The following PIP4K2A variants were observed in gnomAD, a reference collection of about 807,000 sequenced individuals.
PIP4K2A encodes phosphatidylinositol 5-phosphate 4-kinase type-2 alpha.
Under a neutral mutation model 42.9 loss-of-function variants are expected in PIP4K2A, and 14 were observed. The observed-to-expected ratio is 0.33, with a 90% CI of 0.22 to 0.51. The LOEUF (loss-of-function observed/expected upper bound fraction) is 0.51. PIP4K2A is among the 20% of genes least tolerant of loss of function. The pLI is 0.97. For missense variants in PIP4K2A, 434 were observed against 519.8 expected (o/e 0.83, Z 1.61); for synonymous variants, 192 against 192.2 (o/e 1.00, Z 0.01).
chr10:22,702,794 G>A (rs1367304767), intron 1 of PIP4K2A, among the ~76,000 whole-genome samples: 1 of 152,078 alleles, frequency 6.6e-6, no homozygotes, highest in African/African-American at 2.4e-5. Flanking sequence ...AATGGCCTAC[G>A]GTTTAGAATC....
At position 22,590,161 on chromosome 10, in the gene PIP4K2A, C is replaced by A. The variant is rs139211150; in HGVS notation, c.492+1468G>T. On this transcript the variant is annotated intron_variant, in intron 4 of 9. Coordinates refer to ENST00000376573, the MANE Select transcript of PIP4K2A (RefSeq NM_005028.5). Reference sequence around the variant, plus strand: ...ACCAGGAAGAACCTGACCATACTGGCACCTTGATCTCAGACTTCAACCTCT... The same window carrying A: ...ACCAGGAAGAACCTGACCATACTGGAACCTTGATCTCAGACTTCAACCTCT... 7.2e-5 allele frequency among the ~76,000 whole-genome samples: 11 copies of A among 152,312 alleles called. No homozygotes were observed. In the East Asian group the frequency reaches 1.9e-3, roughly 27 times the overall value.
At chr10:22,543,906 A>C (rs1836192325) in intron 7 of PIP4K2A, among the ~76,000 whole-genome samples, 1 of 152,134 alleles carries the variant, frequency 6.6e-6, no homozygotes, top group Non-Finnish European at 1.5e-5. Flanking sequence ...GATCCAAGGC[A>C]GGGGGCAGGC....
intron 1 of PIP4K2A, among the ~76,000 whole-genome samples, chr10:22,633,009 T>C (rs1346149374): frequency 6.6e-6 from 1 of 152,232 alleles, no homozygotes; most frequent in African/African-American, 2.4e-5. Flanking sequence ...AGGCTTAGTA[T>C]ACATCGGGTA....
At chr10:22,648,276 CAA>C (rs375482918) in intron 1 of PIP4K2A, among the ~76,000 whole-genome samples, 1 of 152,054 alleles carries the variant, frequency 6.6e-6, no homozygotes, top group Non-Finnish European at 1.5e-5. Context: ...TTCAGACAAC[CAA>C]AAAACTCAAT....
intron 6 of PIP4K2A, among the ~76,000 whole-genome samples, chr10:22,559,835 T>C (rs1477357953): frequency 6.6e-6 from 1 of 152,144 alleles, no homozygotes; most frequent in African/African-American, 2.4e-5. Flanking sequence ...TGAGGAGCAA[T>C]GACGCAAGCA....
intron 6 of PIP4K2A, among the ~76,000 whole-genome samples, chr10:22,560,644 C>T (rs1290473544): frequency 6.6e-6 from 1 of 152,214 alleles, no homozygotes; most frequent in African/African-American, 2.4e-5. Flanking sequence ...TACAGTTACA[C>T]AAATGCCAAT....
intron 1 of PIP4K2A, among the ~76,000 whole-genome samples, chr10:22,675,892 C>CA (rs1223098320): frequency 3.9e-5 from 6 of 152,242 alleles, no homozygotes; most frequent in East Asian, 3.9e-4. Flanking sequence ...AACTGATCCA[C>CA]AAAAAAATCA....
intron 1 of PIP4K2A, among the ~76,000 whole-genome samples, chr10:22,689,841 C>A (rs889688268): frequency 1.3e-5 from 2 of 152,192 alleles, no homozygotes; most frequent in African/African-American, 2.4e-5. Flanking sequence ...CAACACCTTG[C>A]GATGTCTTTA....
At chr10:22,546,143 C>A (rs1836253958) in intron 7 of PIP4K2A, among the ~76,000 whole-genome samples, 1 of 152,168 alleles carries the variant, frequency 6.6e-6, no homozygotes, top group African/African-American at 2.4e-5. Context: ...GAGTTCGCCT[C>A]CTGGATCTTC....
intron 4 of PIP4K2A, among the ~76,000 whole-genome samples, chr10:22,578,623 A>G (rs892796183): frequency 6.7e-6 from 1 of 149,704 alleles, no homozygotes; most frequent in Non-Finnish European, 1.5e-5. Flanking sequence ...TTCACTGTGT[A>G]CAGGCTACCT....
chr10:22,642,889 T>C (rs2130795827), intron 1 of PIP4K2A, among the ~76,000 whole-genome samples: 1 of 152,270 alleles, frequency 6.6e-6, no homozygotes, highest in South Asian at 2.1e-4. Context: ...GCCAAGAAGT[T>C]TTCTTTTGTC....
intron 1 of PIP4K2A, among the ~76,000 whole-genome samples, chr10:22,674,761 G>C (rs796566688): frequency 2.0e-5 from 3 of 151,470 alleles, no homozygotes; most frequent in African/African-American, 7.3e-5. Context: ...AGGCAATATT[G>C]CAAGACTCAG....
chr10:22,710,216 A>T (rs1833890555), intron 1 of PIP4K2A, among the ~76,000 whole-genome samples: 1 of 152,226 alleles, frequency 6.6e-6, no homozygotes, highest in South Asian at 2.1e-4. Context: ...CATGGTGCTC[A>T]TCAGGCTGGC....
Position 22,591,565 on chromosome 10 carries a change from T to C in PIP4K2A, c.492+64A>G. 3.2e-6 allele frequency: 4 copies of C among 1,245,118 alleles called. No individual in the cohort carries two copies. In the South Asian group the frequency reaches 4.3e-5, roughly 13 times the overall value. The allele number at this position is 1,245,118 out of a possible 1,614,324, so 77.1% of individuals were successfully genotyped here. On this transcript the variant is annotated intron_variant, in intron 4 of 9. Transcript: ENST00000376573. ...AACTATATATTTAAATCTCTGGCCTTGGTGAGAAATCGCTACGCATGTTAA... is the reference window on the plus strand; with the variant it reads ...AACTATATATTTAAATCTCTGGCCTCGGTGAGAAATCGCTACGCATGTTAA...
At chr10:22,615,472 T>C (rs1838157303) in intron 1 of PIP4K2A, among the ~76,000 whole-genome samples, 1 of 152,226 alleles carries the variant, frequency 6.6e-6, no homozygotes, top group Non-Finnish European at 1.5e-5. Flanking sequence ...GTTCTATCTA[T>C]ATGTTACATA....
intron 3 of PIP4K2A, among the ~76,000 whole-genome samples, chr10:22,605,543 G>A (rs1203725590): frequency 6.6e-6 from 1 of 152,192 alleles, no homozygotes; most frequent in Non-Finnish European, 1.5e-5. Flanking sequence ...TTTCTCTGCT[G>A]CAGTGCAGAA....
chr10:22,567,994 C>T (rs2130787921), intron 5 of PIP4K2A, 105 bp from the exon 6 acceptor site: 1 of 1,006,550 alleles, frequency 9.9e-7, no homozygotes, highest in East Asian at 2.4e-5. Context: ...CAGCTCAGCA[C>T]CCACTCTGCT....
intron 1 of PIP4K2A, chr10:22,646,230 T>C (rs1419969125): frequency 6.6e-6 from 1 of 152,196 alleles, no homozygotes; most frequent in Non-Finnish European, 1.5e-5. Context: ...TTTGGGGATG[T>C]GATGTGCCTC....
intron 6 of PIP4K2A, 137 bp from the exon 7 acceptor site, chr10:22,550,909 C>G: frequency 1.6e-6 from 1 of 636,932 alleles, no homozygotes. Flanking sequence ...GGGTCTTACC[C>G]AAACAATAAA....
Sources: gnomAD v4.1 joint callset for allele counts (sites outside exome capture counted in the v4.1 genomes callset) on GRCh38, gnomAD v4.1.1 for gene constraint, MANE v1.5 for transcripts, NCBI Gene and HGNC (gene_info 2026-07-23, HGNC 2026-07-21) for gene names.